KNTC1: variants seen among roughly 807,000 people sequenced by gnomAD.
The protein encoded by KNTC1 is kinetochore associated 1.
Under a neutral mutation model 314.4 loss-of-function variants are expected in KNTC1, and 253 were observed. The ratio of observed to expected loss-of-function variants is 0.80; its 90% CI spans 0.73 to 0.89. The LOEUF is 0.89. Ranked by LOEUF, KNTC1 falls within the 40% of genes least tolerant of loss-of-function variation. The pLI, the probability that KNTC1 is intolerant of heterozygous loss-of-function variation, is 0.00. For synonymous variants in KNTC1, 901 were observed against 901.4 expected, an observed-to-expected ratio of 1.00 and a Z score of 0.01; for missense variants, 2,475 against 2,572.9, an observed-to-expected ratio of 0.96 and a Z score of 0.82.
intron 16 of KNTC1, among the ~76,000 whole-genome samples, chr12:122,552,422 T>C (rs1394465276): frequency 6.6e-6 from 1 of 152,150 alleles, no homozygotes; most frequent in East Asian, 1.9e-4. Context: ...TGGAGTACAG[T>C]GGGGCGATCA....
chr12:122,553,635 C>G (rs1963348750), intron 16 of KNTC1, among the ~76,000 whole-genome samples: 1 of 151,932 alleles, frequency 6.6e-6, no homozygotes, highest in Non-Finnish European at 1.5e-5. Flanking sequence ...GTCGGAGACA[C>G]CAGTGTAATG....
chr12:122,584,332 A>G lies in KNTC1; in HGVS notation c.3318A>G (p.Thr1106=). Residue 1106 remains threonine, a synonymous_variant, in exon 35 of 64, where the codon ACA becomes ACG. Transcript: ENST00000333479. ...ACACTGGGAAATTGCTATTTCTGAC[A>G]TGTCAGAAGCTTTGTCAGATGTTGG... ...NADTGKLLFL[T]CQKLCQMLAD... 1 of 1,613,662 alleles carries G rather than the reference A, an allele frequency of 6.2e-7. No homozygotes were observed. The highest frequency in any genetic ancestry group is 8.5e-7 in the Non-Finnish European group (1 of 1,179,640).
chr12:122,562,116 T>C, intron 19 of KNTC1, 142 bp downstream of exon 19: 1 of 775,716 alleles, frequency 1.3e-6, no homozygotes, highest in Non-Finnish European at 2.1e-6. Context: ...GTAATATTAA[T>C]AGGTACTTAC....
chr12:122,590,035 C>T (rs946269406), intron 40 of KNTC1, among the ~76,000 whole-genome samples: 2 of 151,928 alleles, frequency 1.3e-5, no homozygotes, highest in African/African-American at 2.4e-5. Flanking sequence ...CCACCCTCCT[C>T]GGCCTCCCAA....
intron 20 of KNTC1, among the ~76,000 whole-genome samples, chr12:122,564,200 A>G (rs1453061064): frequency 2.0e-4 from 30 of 151,994 alleles, no homozygotes; most frequent in Admixed American, 2.0e-3. Flanking sequence ...CTGGTCTCGA[A>G]CTCTGACCTC....
rs542479035 is a variant in KNTC1, at chr12:122,604,638, G to A, written c.5175+1G>A. 3 of 1,588,092 alleles carry A rather than the reference G, an allele frequency of 1.9e-6. No individual in the cohort carries two copies. Among genetic ancestry groups the A allele is most frequent in the Admixed American group, 1.7e-5 (1 of 59,796 alleles). ...ATGGCTACAGAATATCCCATCGCAGGTGTGTCTGAACTATCAGATTGGCGG... is the reference window on the plus strand; with the variant it reads ...ATGGCTACAGAATATCCCATCGCAGATGTGTCTGAACTATCAGATTGGCGG... On this transcript the variant is annotated splice_donor_variant, in intron 49 of 63. Transcript: ENST00000333479. LOFTEE classifies it high-confidence loss of function.
chr12:122,536,240 T>TTTTTTGAGATGTAG (rs1389017907), intron 3 of KNTC1, among the ~76,000 whole-genome samples: 1 of 151,358 alleles, frequency 6.6e-6, no homozygotes, highest in Non-Finnish European at 1.5e-5. Context: ...AATTTTTTTT[T>TTTTTTGAGATGTAG]TTTTTGAGAT....
intron 51 of KNTC1, among the ~76,000 whole-genome samples, chr12:122,606,291 G>C (rs1358310531): frequency 1.4e-5 from 2 of 142,710 alleles, no homozygotes; most frequent in African/African-American, 2.6e-5. Flanking sequence ...GCAGTGGCGT[G>C]ATCTCAGCAA....
chr12:122,604,539 T>TTATG (rs1355090351), intron 48 of KNTC1, 25 bp from the exon 49 acceptor site: 1 of 1,124,148 alleles, frequency 8.9e-7, no homozygotes, highest in Non-Finnish European at 1.3e-6. Context: ...AAATCTTTAT[T>TTATG]TATTTATTTA....
chr12:122,562,785 A>G, intron 20 of KNTC1, 86 bp downstream of exon 20: 1 of 724,468 alleles, frequency 1.4e-6, no homozygotes. Context: ...TGAGGTGGGC[A>G]GATCACCCGA....
intron 13 of KNTC1, among the ~76,000 whole-genome samples, chr12:122,550,161 T>C (rs1300170318): frequency 1.4e-5 from 1 of 73,172 alleles, no homozygotes; most frequent in Admixed American, 1.0e-4. Context: ...ATGGAGACTA[T>C]TGCTGTTACA....
intron 1 of KNTC1, among the ~76,000 whole-genome samples, chr12:122,528,482 A>G (rs1960974602): frequency 6.6e-6 from 1 of 152,060 alleles, no homozygotes; most frequent in South Asian, 2.1e-4. Context: ...AGGCTGAAGC[A>G]GAAGGATTGC....
chr12:122,555,239 T>C (rs1431903989), intron 16 of KNTC1, among the ~76,000 whole-genome samples: 1 of 152,220 alleles, frequency 6.6e-6, no homozygotes, highest in African/African-American at 2.4e-5. Context: ...TATAAATATC[T>C]TTCTTCGGTT....
intron 22 of KNTC1, among the ~76,000 whole-genome samples, 153 bp from the exon 23 acceptor site, chr12:122,570,723 A>G (rs182395917): frequency 8.0e-4 from 122 of 152,274 alleles, no homozygotes; most frequent in African/African-American, 2.7e-3. Context: ...ATGTACACCT[A>G]CTACGTGCCC....
intron 19 of KNTC1, 28 bp from the exon 20 acceptor site, chr12:122,562,610 T>G (rs187363877): frequency 7.5e-7 from 1 of 1,324,820 alleles, no homozygotes; most frequent in Non-Finnish European, 1.1e-6. Flanking sequence ...GCATATAAAT[T>G]CAGATTATTA....
At chr12:122,529,530 T>C (rs1331035735) in intron 1 of KNTC1, among the ~76,000 whole-genome samples, 3 of 152,334 alleles carry the variant, frequency 2.0e-5, no homozygotes, top group East Asian at 3.9e-4. Context: ...TTATTTGTTG[T>C]ATAATAATAC....
chr12:122,582,069 A>G (rs1183104048), intron 33 of KNTC1, among the ~76,000 whole-genome samples: 1 of 152,174 alleles, frequency 6.6e-6, no homozygotes, highest in Non-Finnish European at 1.5e-5. Flanking sequence ...AAGCATGTAA[A>G]GGAGTCCTAT....
chr12:122,531,762 C>G (rs1324422883), intron 2 of KNTC1, among the ~76,000 whole-genome samples: 2 of 152,042 alleles, frequency 1.3e-5, no homozygotes, highest in African/African-American at 4.8e-5. Flanking sequence ...GAGATGGAGT[C>G]TTGCTCTGTC....
chr12:122,616,112 C>T (rs536622624), intron 57 of KNTC1, among the ~76,000 whole-genome samples: 24 of 152,040 alleles, frequency 1.6e-4, no homozygotes, highest in Admixed American at 2.6e-4. Context: ...ATATATATTA[C>T]GCAGAAATAT....
Sources: allele counts gnomAD v4.1 joint callset (sites outside exome capture counted in the v4.1 genomes callset), GRCh38; gene constraint gnomAD v4.1.1; transcripts MANE v1.5; gene names NCBI Gene and HGNC (gene_info 2026-07-23, HGNC 2026-07-21).